FAF2: variants seen among roughly 807,000 people sequenced by gnomAD.
FAF2 encodes the protein FAS-associated factor 2.
A neutral mutation model predicts 62.3 loss-of-function variants in FAF2; 9 were observed. That is an observed-to-expected ratio of 0.14 (90% CI 0.09 to 0.25). The LOEUF is 0.25. Ranked by LOEUF, FAF2 falls within the 10% of genes least tolerant of loss-of-function variation. FAF2 has a pLI of 1.00. For synonymous variants in FAF2, 202 were observed against 198.0 expected (o/e 1.02, Z -0.17); for missense variants, 368 against 556.2 (o/e 0.66, Z 3.40).
intron 1 of FAF2, among the ~76,000 whole-genome samples, chr5:176,457,005 T>C (rs1279550576): frequency 6.6e-6 from 1 of 152,178 alleles, no homozygotes; most frequent in Non-Finnish European, 1.5e-5. Context: ...TGGTTCAAAA[T>C]GCGTTATTTT....
chr5:176,506,716 T>C, intron 10 of FAF2, 52 bp from the exon 11 acceptor site: 1 of 1,437,854 alleles, frequency 7.0e-7, no homozygotes, highest in Non-Finnish European at 9.7e-7. Flanking sequence ...CGTGTGTGTG[T>C]GTGTATTTCT....
chr5:176,451,417 G>A (rs999591296), intron 1 of FAF2, among the ~76,000 whole-genome samples: 4 of 151,924 alleles, frequency 2.6e-5, no homozygotes, highest in Non-Finnish European at 5.9e-5. Flanking sequence ...TTGCTATGTT[G>A]TCCAGGCTGC....
At chr5:176,467,856 A>G (rs192807973) in intron 1 of FAF2, among the ~76,000 whole-genome samples, 38 of 152,310 alleles carry the variant, frequency 2.5e-4, no homozygotes, top group Non-Finnish European at 4.7e-4. Context: ...TGTAATAATG[A>G]GAAGATCAGT....
chr5:176,456,986 T>C, intron 1 of FAF2, among the ~76,000 whole-genome samples: 1 of 152,184 alleles, frequency 6.6e-6, no homozygotes, highest in South Asian at 2.1e-4. Flanking sequence ...CAGACACTTA[T>C]TATCAAGTTG....
intron 1 of FAF2, among the ~76,000 whole-genome samples, chr5:176,460,946 A>T (rs1758367824): frequency 6.6e-6 from 1 of 151,242 alleles, no homozygotes; most frequent in Admixed American, 6.6e-5. Context: ...ACAGAGTAAG[A>T]CCCTTTGACT....
rs1413099028 is a variant in FAF2, at chr5:176,469,251, T to TA, written c.64-9932dup. Among the ~76,000 whole-genome samples, 3 of 151,968 alleles carry TA rather than the reference T, an allele frequency of 2.0e-5. No individual in the cohort carries two copies. In the East Asian group the frequency reaches 5.8e-4, roughly 29 times the overall value. On this transcript the variant is annotated intron_variant, in intron 1 of 10. Coordinates refer to ENST00000261942, the MANE Select transcript of FAF2 (RefSeq NM_014613.3). ...CAGAGCGAGACTCCATCTCTAAAAA[T>TA]AAAAATAAAAAATTGTAGAAAAAGA... is the stretch of plus-strand genomic sequence containing the variant.
At chr5:176,503,074 A>G (rs1755621897) in intron 10 of FAF2, among the ~76,000 whole-genome samples, 1 of 152,034 alleles carries the variant, frequency 6.6e-6, no homozygotes, top group Non-Finnish European at 1.5e-5. Context: ...AAATAAATAA[A>G]AATAAAAAAG....
rs958138917 is a variant in FAF2 at position 176,494,728 on chromosome 5, T to G, written c.661+453T>G. Among the ~76,000 whole-genome samples, 2 of 152,066 alleles carry G rather than the reference T, an allele frequency of 1.3e-5. No homozygotes were observed. The highest frequency in any genetic ancestry group is 4.8e-5 in the African/African-American group (2 of 41,382). On this transcript the variant is annotated intron_variant, in intron 7 of 10. Coordinates refer to ENST00000261942, the MANE Select transcript of FAF2 (RefSeq NM_014613.3). The surrounding 1 kb of genome is among the most constrained non-coding windows in gnomAD (Gnocchi z 4.0). Reference sequence around the variant, plus strand: ...CACCACCACGCCCAGCTAATTTTTTTGTATTTTTAGTAGAGATGGGGTTTC... The same window carrying G: ...CACCACCACGCCCAGCTAATTTTTTGGTATTTTTAGTAGAGATGGGGTTTC...
intron 1 of FAF2, among the ~76,000 whole-genome samples, chr5:176,467,845 G>C (rs1758498224): frequency 1.3e-5 from 2 of 152,202 alleles, no homozygotes; most frequent in Admixed American, 6.5e-5. Flanking sequence ...AGGAATAAAT[G>C]TGTAATAATG....
chr5:176,464,896 CT>C (rs374309178), intron 1 of FAF2, among the ~76,000 whole-genome samples: 3 of 151,060 alleles, frequency 2.0e-5, no homozygotes, highest in South Asian at 2.1e-4. Flanking sequence ...TAGGCACTTT[CT>C]TTTTTTTTGA....
chr5:176,472,729 A>G (rs980092885), intron 1 of FAF2, among the ~76,000 whole-genome samples: 16 of 151,644 alleles, frequency 1.1e-4, no homozygotes, highest in Non-Finnish European at 1.9e-4. Flanking sequence ...CAAAAAAAAA[A>G]AAAAAAGAAA....
Position 176,488,992 on chromosome 5 carries a change from C to A in FAF2, c.309C>A (p.Phe103Leu), listed in dbSNP as rs768929958. ...GTTATTACTTGATAATGCTTCCATT[C>A]CGGTTTACCTATTACACGATACTTG... is the stretch of plus-strand genomic sequence containing the variant. ...GWGYYLIMLP[F>L]RFTYYTILDI... Residue 103 changes from phenylalanine (F) to leucine (L), a missense_variant, in exon 4 of 11, where the codon TTC (phenylalanine) becomes TTA (leucine). Around this residue, in one of 2 missense-constraint regions of FAF2, gnomAD observed 331 missense variants for 441.9 expected, o/e 0.75. Coordinates refer to ENST00000261942, the MANE Select transcript of FAF2 (RefSeq NM_014613.3). 1 of 1,613,954 alleles carries A rather than the reference C, an allele frequency of 6.2e-7. No individual in the cohort carries two copies.
chr5:176,496,389 G>T, intron 7 of FAF2, 97 bp from the exon 8 acceptor site: 1 of 974,942 alleles, frequency 1.0e-6, no homozygotes, highest in Non-Finnish European at 1.4e-6. Flanking sequence ...CCCCAACCAG[G>T]ATTAAAACAG....
At position 176,499,233 on chromosome 5, in the gene FAF2, A is replaced by G. The variant is rs1458202117; in HGVS notation, c.1011+148A>G. ...AGGAAAAAGGAAAGAAAAAATTACA[A>G]CATGTTGGAATTAGGGGTGATTTAA... is the stretch of plus-strand genomic sequence containing the variant. On this transcript the variant is annotated intron_variant, in intron 9 of 10. Coordinates refer to ENST00000261942, the MANE Select transcript of FAF2 (RefSeq NM_014613.3). 10 of 683,538 alleles carry G rather than the reference A, an allele frequency of 1.5e-5. No homozygotes were observed. In the East Asian group the frequency reaches 3.2e-4, roughly 22 times the overall value. 42.3% of individuals were successfully genotyped at this position (683,538 alleles called of 1,614,324 possible).
In FAF2 at chr5:176,483,798, C is replaced by G. The variant is rs143485161; in HGVS notation, c.133-2557C>G. On this transcript the variant is annotated intron_variant, in intron 2 of 10. Coordinates refer to ENST00000261942, the MANE Select transcript of FAF2 (RefSeq NM_014613.3). Reference sequence around the variant, plus strand: ...AAGAGACAAATAGGGCAGAGTTGGCCGGGTGTGGTGGCTCACGCCTGTAAT... The same window carrying G: ...AAGAGACAAATAGGGCAGAGTTGGCGGGGTGTGGTGGCTCACGCCTGTAAT... Among the ~76,000 whole-genome samples the G allele has an allele frequency of 7.6e-4, 115 of 152,260 alleles. 1 individual carries two copies. Among genetic ancestry groups the G allele is most frequent in the African/African-American group, 2.7e-3 (111 of 41,546 alleles).
intron 1 of FAF2, among the ~76,000 whole-genome samples, chr5:176,468,164 TC>T (rs1758505255): frequency 6.6e-6 from 1 of 152,106 alleles, no homozygotes; most frequent in South Asian, 2.1e-4. Context: ...AGAATCTGTC[TC>T]AAGAAAAGAA....
Position 176,469,587 on chromosome 5 carries a change from G to A in FAF2, c.64-9601G>A, listed in dbSNP as rs144021161. 8.5e-4 allele frequency among the ~76,000 whole-genome samples: 130 copies of A among 152,314 alleles called. 1 individual carries two copies. Among genetic ancestry groups the A allele is most frequent in the South Asian group, 5.2e-3 (25 of 4,826 alleles). ...AATCCAGCCCTTCCAGTGTAAATTG[G>A]AATAGTCCTTTCGAAATGCATTTTG... On this transcript the variant is annotated intron_variant, in intron 1 of 10. Transcript: ENST00000261942.
rs1292347133 is a variant in FAF2 at position 176,509,555 on chromosome 5, G to A, written c.*2605G>A. The A allele has an allele frequency of 1.3e-5, 2 of 152,534 alleles. No individual in the cohort carries two copies. Among genetic ancestry groups the A allele is most frequent in the Non-Finnish European group, 1.5e-5 (1 of 68,036 alleles). 9.4% of individuals were successfully genotyped at this position (152,534 alleles called of 1,614,324 possible). A position where few individuals can be genotyped will look rare whatever the true frequency, so the allele number is the denominator to read the frequency against. On this transcript the variant is annotated 3_prime_UTR_variant, in exon 11 of 11. Transcript: ENST00000261942. ...AGTGACCAAGCAAAGACACTCGATT[G>A]GAGTCAGTTGAATATTTGTACCCTC...
intron 2 of FAF2, 123 bp from the exon 3 acceptor site, chr5:176,486,232 A>T: frequency 8.2e-7 from 1 of 1,220,644 alleles, no homozygotes. Context: ...TGCACTCCTC[A>T]GTGACCTTTT....
Sources: allele counts gnomAD v4.1 joint callset (sites outside exome capture counted in the v4.1 genomes callset), GRCh38; gene constraint gnomAD v4.1.1; regional missense constraint gnomAD v4.1.1; non-coding constraint Gnocchi (gnomAD v3.1); transcripts MANE v1.5; gene names NCBI Gene and HGNC (gene_info 2026-07-23, HGNC 2026-07-21).